BRD4: variants seen among roughly 807,000 people sequenced by gnomAD.
The protein encoded by BRD4 is bromodomain containing 4.
A neutral mutation model predicts 142.1 loss-of-function variants in BRD4; 16 were observed. The ratio of observed to expected loss-of-function variants is 0.11; its 90% CI spans 0.08 to 0.17. BRD4 has a LOEUF of 0.17. Ranked by LOEUF, BRD4 falls within the 10% of genes least tolerant of loss-of-function variation. The probability of loss-of-function intolerance (pLI) is 1.00; values close to 1 mark genes in which losing one functional copy is unlikely to be tolerated. For synonymous variants in BRD4, 833 were observed against 707.5 expected (o/e 1.18, Z -2.82); for missense variants, 1,424 against 1,810.9 (o/e 0.79, Z 3.88).
At chr19:15,315,886 T>C (rs1001050725) in intron 1 of BRD4, among the ~76,000 whole-genome samples, 2 of 151,304 alleles carry the variant, frequency 1.3e-5, no homozygotes, top group African/African-American at 4.9e-5. Flanking sequence ...CCGGGCGCCA[T>C]GGCTCATGCC....
intron 1 of BRD4, among the ~76,000 whole-genome samples, chr19:15,303,110 G>C (rs796612535): frequency 9.9e-5 from 15 of 151,774 alleles, no homozygotes; most frequent in African/African-American, 3.6e-4. Flanking sequence ...AAAGCAGCAA[G>C]ACCAACAATC....
chr19:15,239,285 G>T lies in BRD4; in HGVS notation c.3577-21C>A. On this transcript the variant is annotated intron_variant, in intron 17 of 19. Coordinates refer to ENST00000679869, the MANE Select transcript of BRD4 (RefSeq NM_001379291.1). This position sits in a 1 kb window ranked among gnomAD's most constrained non-coding sequence, Gnocchi z 7.4. ...AGGTCCTGCAGAACAGAGAGGTTGG[G>T]GTGGGTGAGGGGTCTGCTGTGCCTA... 6.2e-7 allele frequency: 1 copy of T among 1,613,242 alleles called. No individual in the cohort carries two copies. Among genetic ancestry groups the T allele is most frequent in the Non-Finnish European group, 8.5e-7 (1 of 1,179,516 alleles).
intron 1 of BRD4, among the ~76,000 whole-genome samples, chr19:15,289,163 C>G (rs1355753725): frequency 6.6e-6 from 1 of 152,220 alleles, no homozygotes; most frequent in African/African-American, 2.4e-5. Context: ...AGCCAGAGGC[C>G]AGGCCCTAAA....
intron 11 of BRD4, chr19:15,248,762 T>G (rs1427431570): frequency 4.4e-6 from 1 of 229,434 alleles, no homozygotes; most frequent in Admixed American, 5.5e-5. Context: ...TCCCACTCCT[T>G]ATCTAGGACA....
intron 6 of BRD4, 43 bp from the exon 7 acceptor site, chr19:15,263,591 T>A: frequency 1.2e-6 from 2 of 1,607,616 alleles, no homozygotes; most frequent in Non-Finnish European, 8.5e-7. Context: ...TCTGCCCATG[T>A]GACCATGGAG....
At chr19:15,298,610 G>T (rs1211084787) in intron 1 of BRD4, among the ~76,000 whole-genome samples, 1 of 87,714 alleles carries the variant, frequency 1.1e-5, no homozygotes, top group South Asian at 4.8e-4. Context: ...AACAGGGCGA[G>T]ACTCCAACTC....
At chr19:15,240,238 C>T (rs1290809513) in intron 14 of BRD4, among the ~76,000 whole-genome samples, 2 of 152,180 alleles carry the variant, frequency 1.3e-5, no homozygotes, top group Middle Eastern at 3.2e-3. Flanking sequence ...GGGCTGAGTG[C>T]CCTGTGTCCC....
At chr19:15,271,171 G>A (rs909861935) in intron 2 of BRD4, among the ~76,000 whole-genome samples, 1 of 152,078 alleles carries the variant, frequency 6.6e-6, no homozygotes, top group Non-Finnish European at 1.5e-5. Flanking sequence ...AAGTCCCCCA[G>A]CCCTTCCTTC....
intron 1 of BRD4, among the ~76,000 whole-genome samples, chr19:15,324,239 T>A (rs2048089071): frequency 6.6e-6 from 1 of 152,216 alleles, no homozygotes; most frequent in African/African-American, 2.4e-5. Context: ...CACAACTGTC[T>A]ACACCTAGGA....
chr19:15,272,780 G>A (rs2145624028), intron 2 of BRD4, 35 bp downstream of exon 2: 3 of 1,590,212 alleles, frequency 1.9e-6, no homozygotes, highest in Non-Finnish European at 1.7e-6. Flanking sequence ...ACGACCTCCA[G>A]GACGGCCACC....
chr19:15,258,732 CCTT>C (rs1238333134), intron 7 of BRD4, among the ~76,000 whole-genome samples: 2 of 151,902 alleles, frequency 1.3e-5, no homozygotes, highest in Non-Finnish European at 2.9e-5. Flanking sequence ...GCCTCAGCCT[CCTT>C]GAGAACTGAG....
intron 1 of BRD4, among the ~76,000 whole-genome samples, chr19:15,313,466 A>G (rs1038441282): frequency 6.7e-6 from 1 of 150,322 alleles, no homozygotes; most frequent in Non-Finnish European, 1.5e-5. Context: ...TGAGGTCAGG[A>G]GTTCAAGACT....
intron 1 of BRD4, among the ~76,000 whole-genome samples, chr19:15,298,498 G>C (rs1370274568): frequency 6.6e-6 from 1 of 151,696 alleles, no homozygotes; most frequent in Non-Finnish European, 1.5e-5. Context: ...GCAGGCGCCT[G>C]TAGTCCCAGC....
chr19:15,328,214 T>C lies in BRD4; in HGVS notation c.-35+4076A>G, dbSNP rs78644658. ...TACATAGTAAGGGCTCAAGGACTAA[T>C]TGTAGAGACAGATTGGCCAATCATG... On this transcript the variant is annotated intron_variant, in intron 1 of 19. Transcript: ENST00000679869. 7.2e-3 allele frequency among the ~76,000 whole-genome samples: 1,092 copies of C among 152,296 alleles called. 9 individuals are homozygous for C. Among genetic ancestry groups the C allele is most frequent in the Non-Finnish European group, 0.01 (701 of 68,028 alleles).
chr19:15,259,658 G>A (rs1477807687), intron 7 of BRD4, among the ~76,000 whole-genome samples: 1 of 152,176 alleles, frequency 6.6e-6, no homozygotes, highest in East Asian at 1.9e-4. Context: ...GGGCATCCTG[G>A]GAAACCCACA....
intron 14 of BRD4, 115 bp downstream of exon 14, chr19:15,242,785 C>T (rs986880720): frequency 2.0e-6 from 3 of 1,476,316 alleles, no homozygotes; most frequent in African/African-American, 2.8e-5. Flanking sequence ...CAAGCTGAGG[C>T]TCAGCTCTGA....
chr19:15,248,883 G>C (rs2047315568), intron 11 of BRD4: 3 of 323,738 alleles, frequency 9.3e-6, no homozygotes, highest in Non-Finnish European at 1.2e-5. Context: ...CAGAAAAAGA[G>C]GGATGGGACA....
At chr19:15,328,811 T>C (rs981123744) in intron 1 of BRD4, among the ~76,000 whole-genome samples, 2 of 152,202 alleles carry the variant, frequency 1.3e-5, no homozygotes, top group Non-Finnish European at 1.5e-5. Flanking sequence ...TTCGCTCTTA[T>C]TGACCAGACT....
chr19:15,313,021 A>G (rs758672997), intron 1 of BRD4, among the ~76,000 whole-genome samples: 2 of 151,988 alleles, frequency 1.3e-5, no homozygotes, highest in African/African-American at 2.4e-5. Flanking sequence ...GCCATGAGCC[A>G]AGACTGTGCC....
Sources: allele counts gnomAD v4.1 joint callset (sites outside exome capture counted in the v4.1 genomes callset), GRCh38; gene constraint gnomAD v4.1.1; non-coding constraint Gnocchi (gnomAD v3.1); transcripts MANE v1.5; gene names NCBI Gene and HGNC (gene_info 2026-07-23, HGNC 2026-07-21).